The following CCDC178 variants were observed in gnomAD, a reference collection of about 807,000 sequenced individuals.
CCDC178 encodes the protein coiled-coil domain-containing protein 178.
A neutral mutation model predicts 117.4 loss-of-function variants in CCDC178; 126 were observed. The ratio of observed to expected loss-of-function variants is 1.07; its 90% confidence interval spans 0.93 to 1.24. CCDC178 has a LOEUF of 1.24. Among genes scored for constraint, CCDC178 ranks in the 50% most tolerant of loss-of-function variants. The pLI, the probability that CCDC178 is intolerant of heterozygous loss-of-function variation, is 0.00. For synonymous variants in CCDC178, 283 were observed against 313.4 expected (o/e 0.90, Z 1.02); for missense variants, 1,030 against 986.9 (o/e 1.04, Z -0.59).
intron 11 of CCDC178, among the ~76,000 whole-genome samples, chr18:33,296,166 T>TA (rs951003141): frequency 1.1e-4 from 16 of 151,800 alleles, no homozygotes; most frequent in Admixed American, 2.6e-4. Context: ...TTATGCTTAA[T>TA]AAAAAAAAGC....
chr18:32,957,456 G>T (rs143103966), intron 22 of CCDC178, among the ~76,000 whole-genome samples: 1 of 152,240 alleles, frequency 6.6e-6, no homozygotes, highest in East Asian at 1.9e-4. Flanking sequence ...AACAGTGGGG[G>T]TAACATCTAT....
chr18:33,063,027 C>T (rs894109193), intron 21 of CCDC178, among the ~76,000 whole-genome samples: 1 of 152,196 alleles, frequency 6.6e-6, no homozygotes, highest in Admixed American at 6.5e-5. Flanking sequence ...GCCACTGACA[C>T]TGACAGAAAC....
chr18:33,317,265 G>A (rs71363410), intron 11 of CCDC178, among the ~76,000 whole-genome samples: 1 of 151,900 alleles, frequency 6.6e-6, no homozygotes, highest in African/African-American at 2.4e-5. Flanking sequence ...AACCCACCAG[G>A]AGGAATGAAC....
At chr18:32,968,585 TC>T (rs972497039) in intron 22 of CCDC178, among the ~76,000 whole-genome samples, 14 of 151,988 alleles carry the variant, frequency 9.2e-5, no homozygotes, top group African/African-American at 3.4e-4. Flanking sequence ...CCATACTGTT[TC>T]CCATATGGCT....
chr18:33,290,908 A>G lies in CCDC178; in HGVS notation c.1176+2251T>C, dbSNP rs572733173. Among the ~76,000 whole-genome samples, 108 of 152,286 alleles carry G rather than the reference A, an allele frequency of 7.1e-4. 1 individual carries two copies. The highest frequency in any genetic ancestry group is 2.5e-3 in the African/African-American group (105 of 41,590). On this transcript the variant is annotated intron_variant, in intron 12 of 22. Coordinates refer to ENST00000383096, the MANE Select transcript of CCDC178 (RefSeq NM_001105528.4). The stretch of plus-strand genomic sequence containing the variant: ...TTGTTTTCTATATTATAAAAAAAGT[A>G]ACTGGAAACTCACTTCACATTACAC...
intron 9 of CCDC178, among the ~76,000 whole-genome samples, chr18:33,337,873 C>G (rs1405830286): frequency 6.6e-6 from 1 of 152,082 alleles, no homozygotes; most frequent in Non-Finnish European, 1.5e-5. Flanking sequence ...ACCAGGAACC[C>G]AAAAGCAAAC....
At chr18:33,016,927 G>T (rs1346700492) in intron 21 of CCDC178, among the ~76,000 whole-genome samples, 2 of 151,910 alleles carry the variant, frequency 1.3e-5, no homozygotes, top group Non-Finnish European at 2.9e-5. Flanking sequence ...TTAATGAAAA[G>T]TACTTGATGT....
chr18:33,130,474 C>T (rs271576), intron 20 of CCDC178, among the ~76,000 whole-genome samples: 14,528 of 151,864 alleles, frequency 0.096, 900 homozygotes, highest in African/African-American at 0.18. Flanking sequence ...AACTATTTTA[C>T]ACATAAGGAA....
chr18:33,180,722 C>T (rs1456205478), intron 20 of CCDC178, among the ~76,000 whole-genome samples: 1 of 151,966 alleles, frequency 6.6e-6, no homozygotes, highest in Non-Finnish European at 1.5e-5. Context: ...TTGGTATATG[C>T]AATTCAGGTA....
At chr18:33,357,034 T>A (rs796198772) in intron 6 of CCDC178, among the ~76,000 whole-genome samples, 18 of 152,062 alleles carry the variant, frequency 1.2e-4, no homozygotes, top group African/African-American at 4.3e-4. Flanking sequence ...ATTCAACAAT[T>A]CAGGCAAGTC....
At chr18:32,989,469 T>A (rs928714226) in intron 21 of CCDC178, among the ~76,000 whole-genome samples, 1 of 152,120 alleles carries the variant, frequency 6.6e-6, no homozygotes, top group Non-Finnish European at 1.5e-5. Flanking sequence ...TTGGCAACAT[T>A]TTTTTCTGGA....
At chr18:33,031,394 A>G (rs951338510) in intron 21 of CCDC178, among the ~76,000 whole-genome samples, 2 of 151,908 alleles carry the variant, frequency 1.3e-5, no homozygotes, top group African/African-American at 4.8e-5. Context: ...ATACAGGTGC[A>G]TACCCTCCAC....
chr18:33,149,150 C>A (rs537862873), intron 20 of CCDC178, among the ~76,000 whole-genome samples: 12 of 152,310 alleles, frequency 7.9e-5, no homozygotes, highest in African/African-American at 2.6e-4. Flanking sequence ...AGGAAATCTT[C>A]CCTTGGATCT....
chr18:33,207,578 T>C (rs767203893), intron 20 of CCDC178, among the ~76,000 whole-genome samples: 6 of 151,032 alleles, frequency 4.0e-5, no homozygotes, highest in African/African-American at 7.3e-5. Context: ...AGTATGTTCA[T>C]TGGGTATTAG....
chr18:33,303,457 C>T (rs1273398913), intron 11 of CCDC178, among the ~76,000 whole-genome samples: 1 of 151,998 alleles, frequency 6.6e-6, no homozygotes, highest in Non-Finnish European at 1.5e-5. Flanking sequence ...ATAGAATGTA[C>T]ATCATGAGTG....
At chr18:33,301,191 A>C (rs2144908396) in intron 11 of CCDC178, among the ~76,000 whole-genome samples, 1 of 152,338 alleles carries the variant, frequency 6.6e-6, no homozygotes, top group Non-Finnish European at 1.5e-5. Context: ...GGAGGGTACA[A>C]GCCATAAGCC....
At position 33,224,845 on chromosome 18, in the gene CCDC178, A is replaced by G; in HGVS notation, c.1748T>C (p.Leu583Pro). 6.3e-7 allele frequency: 1 copy of G among 1,582,202 alleles called. No homozygotes were observed. The highest frequency in any genetic ancestry group is 8.6e-7 in the Non-Finnish European group (1 of 1,162,632). The change falls in exon 17 of 23, where the codon CTA becomes CCA. Residue 583 changes from leucine (L) to proline (P), a missense_variant. Physicochemically the swap from Leu to Pro is moderately conservative, Grantham distance 98. Transcript: ENST00000383096. ...TTCTAGTTGAAGCAGAGGTTCCTGT[A>G]GTTCTGCCAGTGACATGGCACATAT... ...RAICAMSLAE[L>P]QEPLLQLEDE... is the part of the protein sequence containing the mutation.
intron 21 of CCDC178, among the ~76,000 whole-genome samples, chr18:33,051,285 A>G (rs574140148): frequency 6.6e-6 from 1 of 152,204 alleles, no homozygotes; most frequent in Non-Finnish European, 1.5e-5. Context: ...GTAGATAAGT[A>G]TCAACACTAG....
At chr18:33,248,629 G>A (rs1249129772) in intron 14 of CCDC178, among the ~76,000 whole-genome samples, 2 of 151,966 alleles carry the variant, frequency 1.3e-5, no homozygotes, top group Non-Finnish European at 1.5e-5. Flanking sequence ...GTATTCCATG[G>A]TGTATATGTG....
Sources: allele counts gnomAD v4.1 joint callset (sites outside exome capture counted in the v4.1 genomes callset), GRCh38; gene constraint gnomAD v4.1.1; transcripts MANE v1.5; gene names NCBI Gene and HGNC (gene_info 2026-07-23, HGNC 2026-07-21).